LUZP1: variants seen among roughly 807,000 people sequenced by gnomAD.
The protein encoded by LUZP1 is leucine zipper protein 1.
In LUZP1, 25 loss-of-function variants were observed where a neutral mutation model predicts 71.3. That is an observed-to-expected ratio of 0.35 (90% CI 0.26 to 0.49). LUZP1 has a LOEUF of 0.49. LUZP1 is among the 20% of genes least tolerant of loss of function. LUZP1 has a pLI of 0.99. For synonymous variants in LUZP1, 481 were observed against 506.4 expected, an observed-to-expected ratio of 0.95 and a Z score of 0.67; for missense variants, 1,142 against 1,300.8, an observed-to-expected ratio of 0.88 and a Z score of 1.88.
At chr1:23,087,268 T>C (rs1189577318) in exon 5 of LUZP1, 1 of 151,936 alleles carries the variant, frequency 6.6e-6, no homozygotes, top group Admixed American at 6.6e-5. Context: ...GATTAAAACA[T>C]ACAGAAACTA....
chr1:23,147,256 C>A (rs1644351043), intron 2 of LUZP1, among the ~76,000 whole-genome samples: 1 of 151,174 alleles, frequency 6.6e-6, no homozygotes, highest in African/African-American at 2.4e-5. Context: ...GCCTAACCAA[C>A]ATAGTGAAAC....
intron 2 of LUZP1, among the ~76,000 whole-genome samples, chr1:23,130,757 CCTAT>C (rs1644208554): frequency 6.6e-6 from 1 of 152,030 alleles, no homozygotes; most frequent in African/African-American, 2.4e-5. Context: ...TCAATGGTTT[CCTAT>C]CACTTAAAAT....
chr1:23,157,737 G>A (rs1484502498), intron 2 of LUZP1, among the ~76,000 whole-genome samples: 1 of 151,966 alleles, frequency 6.6e-6, no homozygotes, highest in East Asian at 1.9e-4. Context: ...GTTGCAGTGA[G>A]CCAAGATCGC....
chr1:23,158,643 G>T (rs1357294838), intron 2 of LUZP1, among the ~76,000 whole-genome samples: 1 of 87,194 alleles, frequency 1.1e-5, no homozygotes, highest in African/African-American at 5.0e-5. Flanking sequence ...GCAAGACTCT[G>T]TCTCAAAAAA....
chr1:23,147,139 T>C (rs1464844501), intron 2 of LUZP1, among the ~76,000 whole-genome samples: 2 of 141,706 alleles, frequency 1.4e-5, no homozygotes, highest in Non-Finnish European at 3.0e-5. Context: ...CTACATGGGC[T>C]TTAAGAAATG....
At chr1:23,128,955 C>CT (rs1490504277) in intron 2 of LUZP1, among the ~76,000 whole-genome samples, 3 of 152,198 alleles carry the variant, frequency 2.0e-5, no homozygotes, top group Non-Finnish European at 4.4e-5. Context: ...CAGCATAAGC[C>CT]TATATATTGA....
At chr1:23,155,866 C>T (rs898188846) in intron 2 of LUZP1, among the ~76,000 whole-genome samples, 2 of 152,082 alleles carry the variant, frequency 1.3e-5, no homozygotes, top group African/African-American at 4.8e-5. Context: ...TGGCCTAAAT[C>T]AGATAAATAC....
At chr1:23,150,640 T>C (rs1452048228) in intron 2 of LUZP1, among the ~76,000 whole-genome samples, 2 of 152,142 alleles carry the variant, frequency 1.3e-5, no homozygotes, top group Admixed American at 1.3e-4. Flanking sequence ...GACGGAACTT[T>C]GAGATAACTT....
rs891450846 is a variant in LUZP1, at chr1:23,146,178, A to G, written c.-226+22588T>C. 8.6e-5 allele frequency among the ~76,000 whole-genome samples: 13 copies of G among 151,502 alleles called. No individual in the cohort carries two copies. The Middle Eastern group carries it at 0.01, about 119-fold the overall frequency. On this transcript the variant is annotated intron_variant, in intron 2 of 4. Coordinates refer to ENST00000302291, the Ensembl canonical transcript of LUZP1. ...CTCGAGTAGCTGGGACTACAGGCAC[A>G]TGCTAATTTTTGTATTTTTAGTAGA...
chr1:23,153,287 C>T (rs542814011), intron 2 of LUZP1, among the ~76,000 whole-genome samples: 23 of 152,310 alleles, frequency 1.5e-4, no homozygotes, highest in African/African-American at 3.8e-4. Flanking sequence ...TATCTTTGCC[C>T]TTGATTTGCT....
At chr1:23,166,953 T>C (rs1167627705) in intron 2 of LUZP1, among the ~76,000 whole-genome samples, 1 of 152,172 alleles carries the variant, frequency 6.6e-6, no homozygotes, top group Non-Finnish European at 1.5e-5. Flanking sequence ...TTTTCAAACT[T>C]TAGTTACTAT....
chr1:23,094,425 C>T lies in LUZP1; in HGVS notation c.-119-45G>A, dbSNP rs918476730. The stretch of plus-strand genomic sequence containing the variant: ...AGCATGTCAGTCAGCAAATGTAAAA[C>T]CTGCACGTTAGCTCCCAGTTATAGA... On this transcript the variant is annotated intron_variant, in intron 3 of 4. Transcript: ENST00000302291. This position sits in a 1 kb window ranked among gnomAD's most constrained non-coding sequence, Gnocchi z 4.7. The T allele has an allele frequency of 6.6e-6, 9 of 1,357,020 alleles. No homozygotes were observed. Among genetic ancestry groups the T allele is most frequent in the Non-Finnish European group, 8.6e-6 (9 of 1,047,200 alleles). The allele number at this position is 1,357,020 out of a possible 1,614,324, so 84.1% of individuals were successfully genotyped here.
At chr1:23,113,663 C>T (rs1447325118) in intron 2 of LUZP1, among the ~76,000 whole-genome samples, 2 of 152,092 alleles carry the variant, frequency 1.3e-5, no homozygotes, top group South Asian at 2.1e-4. Context: ...AGGCGGATCA[C>T]GAGATCAGGA....
chr1:23,140,856 G>C (rs1286539448), intron 2 of LUZP1: 2 of 152,316 alleles, frequency 1.3e-5, no homozygotes, highest in Non-Finnish European at 2.9e-5. Flanking sequence ...GGCCATGATG[G>C]AGCTCAGACC....
At chr1:23,089,770 CT>C (rs1643825590) in intron 4 of LUZP1, among the ~76,000 whole-genome samples, 1 of 107,684 alleles carries the variant, frequency 9.3e-6, no homozygotes. Context: ...TTTTTTTTTT[CT>C]TTTTTTGAGA....
In LUZP1 at chr1:23,106,292, G is replaced by A. The variant is rs527253197; in HGVS notation, c.-120+2730C>T. 5.3e-5 allele frequency among the ~76,000 whole-genome samples: 8 copies of A among 152,160 alleles called. No individual in the cohort carries two copies. The East Asian group carries it at 1.5e-3, about 29-fold the overall frequency. On this transcript the variant is annotated intron_variant, in intron 3 of 4. Coordinates refer to ENST00000302291, the Ensembl canonical transcript of LUZP1. ...ATCCTCAAACCCCTGTGACCCAGAC[G>A]TTAACTCCAAATAAATCAAACACCT...
chr1:23,122,426 C>T (rs536980631), intron 2 of LUZP1, among the ~76,000 whole-genome samples: 11 of 152,292 alleles, frequency 7.2e-5, no homozygotes, highest in African/African-American at 1.2e-4. Flanking sequence ...TGACTTAGCA[C>T]GAGGGTTCTC....
chr1:23,129,331 C>G (rs1463348443), intron 2 of LUZP1, among the ~76,000 whole-genome samples: 5 of 152,198 alleles, frequency 3.3e-5, no homozygotes, highest in Non-Finnish European at 7.3e-5. Context: ...CCTGTAATCC[C>G]AGCACTTTGG....
chr1:23,134,850 G>C (rs569631358), intron 2 of LUZP1, among the ~76,000 whole-genome samples: 10 of 152,170 alleles, frequency 6.6e-5, no homozygotes, highest in Non-Finnish European at 1.2e-4. Context: ...TAAGTTCAGG[G>C]GTACATATGC....
Sources: gnomAD v4.1 joint callset for allele counts (sites outside exome capture counted in the v4.1 genomes callset) on GRCh38, gnomAD v4.1.1 for gene constraint, Gnocchi (gnomAD v3.1) non-coding constraint, MANE v1.5 for transcripts, NCBI Gene and HGNC (gene_info 2026-07-23, HGNC 2026-07-21) for gene names.